The following CPVL variants were observed in gnomAD, a reference collection of about 807,000 sequenced individuals.
CPVL encodes probable serine carboxypeptidase CPVL.
Under a neutral mutation model 63.7 loss-of-function variants are expected in CPVL, and 51 were observed. That is an observed-to-expected ratio of 0.80 (90% CI 0.64 to 1.01). CPVL has a LOEUF of 1.01. CPVL is among the 50% of genes least tolerant of loss of function. The pLI, the probability that CPVL is intolerant of heterozygous loss-of-function variation, is 0.00. For synonymous variants in CPVL, 195 were observed against 206.0 expected, an observed-to-expected ratio of 0.95 and a Z score of 0.46; for missense variants, 530 against 573.1, an observed-to-expected ratio of 0.92 and a Z score of 0.77.
rs778757980 is a variant in CPVL at position 29,123,597 on chromosome 7, G to GAAAAA, written c.-10-2531_-10-2527dup. ...ACAATCTTACTCTCTAACTGGTTCA[G>GAAAAA]AAAAAAAAAAAAAAAAAAAAAAAAA... On this transcript the variant is annotated intron_variant, in intron 1 of 12. Coordinates refer to ENST00000265394, the MANE Select transcript of CPVL (RefSeq NM_031311.5). Among the ~76,000 whole-genome samples the GAAAAA allele has an allele frequency of 2.9e-4, 12 of 41,260 alleles. 1 individual carries two copies. The highest frequency in any genetic ancestry group is 9.3e-4 in the Admixed American group (2 of 2,162). 27.1% of individuals were successfully genotyped at this position (41,260 alleles called of 152,430 possible).
intron 11 of CPVL, among the ~76,000 whole-genome samples, chr7:29,051,697 G>A (rs766128989): frequency 1.1e-4 from 17 of 151,906 alleles, no homozygotes; most frequent in Admixed American, 7.2e-4. Context: ...GTTTCCTAAA[G>A]AACTAAAAGT....
At chr7:29,055,234 C>G (rs1262766402) in intron 11 of CPVL, among the ~76,000 whole-genome samples, 3 of 151,962 alleles carry the variant, frequency 2.0e-5, no homozygotes, top group Non-Finnish European at 4.4e-5. Context: ...GTAAACACCT[C>G]TATTTTCTTT....
At chr7:29,179,535 C>T (rs554128449) in intron 5 of CPVL, among the ~76,000 whole-genome samples, 4 of 152,310 alleles carry the variant, frequency 2.6e-5, no homozygotes, top group African/African-American at 9.6e-5. Context: ...GATTCTGATA[C>T]TTGTCCTAAG....
intron 12 of CPVL, among the ~76,000 whole-genome samples, chr7:29,013,832 G>A (rs1158759572): frequency 6.6e-6 from 1 of 152,188 alleles, no homozygotes; most frequent in Non-Finnish European, 1.5e-5. Flanking sequence ...TTCCCAAGAT[G>A]ATGACCTTCC....
chr7:29,086,300 A>AT (rs892834232), intron 7 of CPVL, among the ~76,000 whole-genome samples, 184 bp downstream of exon 7: 123 of 124,884 alleles, frequency 9.8e-4, no homozygotes, highest in East Asian at 4.7e-3. Context: ...ACTAAAAAAA[A>AT]ATATATATAT....
At chr7:29,022,260 A>T (rs920466478) in intron 12 of CPVL, among the ~76,000 whole-genome samples, 6 of 152,116 alleles carry the variant, frequency 3.9e-5, no homozygotes, top group African/African-American at 1.4e-4. Context: ...TCTGCTTGCC[A>T]CCAGGAGACC....
At chr7:29,065,874 T>C (rs753792836) in intron 10 of CPVL, 149 bp downstream of exon 10, 38 of 492,688 alleles carry the variant, frequency 7.7e-5, no homozygotes, top group Non-Finnish European at 9.3e-5. Flanking sequence ...GAGGAAAAGA[T>C]TCTATGGGTT....
exon 1 of CPVL, chr7:29,195,267 C>G (rs1284972443): frequency 7.6e-6 from 3 of 395,868 alleles, no homozygotes; most frequent in Non-Finnish European, 1.3e-5. Context: ...GAGCGAAAAG[C>G]GAAAGGAGCG....
chr7:29,147,403 C>T (rs1294323620), upstream of CPVL: 1 of 158,452 alleles, frequency 6.3e-6, no homozygotes, highest in Non-Finnish European at 1.4e-5. Flanking sequence ...CCAGCCAACC[C>T]GACAGTCAGG....
chr7:29,138,985 T>C (rs1197819928), intron 1 of CPVL, among the ~76,000 whole-genome samples: 2 of 152,214 alleles, frequency 1.3e-5, no homozygotes, highest in African/African-American at 4.8e-5. Context: ...CCTAACTTTG[T>C]GTCATTACAC....
chr7:29,155,218 A>C (rs909879981), intron 5 of CPVL, among the ~76,000 whole-genome samples: 1 of 152,228 alleles, frequency 6.6e-6, no homozygotes, highest in Non-Finnish European at 1.5e-5. Context: ...ATGAAAATAA[A>C]GAAGTATTAT....
chr7:29,047,215 T>C (rs1789710360), intron 11 of CPVL, among the ~76,000 whole-genome samples: 1 of 152,150 alleles, frequency 6.6e-6, no homozygotes, highest in Admixed American at 6.5e-5. Context: ...GTGTTTCTAA[T>C]GCAAAGGGAG....
At chr7:29,106,479 T>G (rs907111602) in intron 3 of CPVL, among the ~76,000 whole-genome samples, 1 of 151,796 alleles carries the variant, frequency 6.6e-6, no homozygotes, top group African/African-American at 2.4e-5. Flanking sequence ...AACACACTGC[T>G]GACAGACTAG....
chr7:29,195,179 C>T (rs1356959936), exon 1 of CPVL: 4 of 518,672 alleles, frequency 7.7e-6, no homozygotes, highest in Non-Finnish European at 1.3e-5. Context: ...CCGCGCCTGA[C>T]ATCTGACAGC....
At position 29,195,023 on chromosome 7, in the gene CPVL, G is replaced by GCCGGGTCTCGCCCCACTGCCCTCGCC. The variant is rs761880515; in HGVS notation, c.-448+28_-448+53dup. ...TCAGCCCGTCGGGCGCTGCTGCCGC[G>GCCGGGTCTCGCCCCACTGCCCTCGCC]CCGGGTCTCGCCCCACTGCCCTCGC... On this transcript the variant is annotated intron_variant, in intron 1 of 16. Coordinates refer to the CPVL transcript ENST00000409850. The GCCGGGTCTCGCCCCACTGCCCTCGCC allele has an allele frequency of 1.9e-6, 3 of 1,576,432 alleles. No individual in the cohort carries two copies. In the African/African-American group the frequency reaches 4.2e-5, roughly 22 times the overall value.
At chr7:29,012,613 G>C (rs167657) in intron 12 of CPVL, 127,670 of 152,212 alleles carry the variant, frequency 0.84, 54,258 homozygotes, top group African/African-American at 0.95. Context: ...GGAAGACAGA[G>C]ACAATGCTTC....
intron 11 of CPVL, among the ~76,000 whole-genome samples, chr7:29,050,734 A>T (rs1243488274): frequency 2.6e-4 from 39 of 152,252 alleles, no homozygotes; most frequent in African/African-American, 8.2e-4. Context: ...ACAGAATTCG[A>T]AAAGCCAATT....
intron 7 of CPVL, among the ~76,000 whole-genome samples, chr7:29,083,532 A>G (rs1584211708): frequency 6.6e-6 from 1 of 152,344 alleles, no homozygotes; most frequent in East Asian, 1.9e-4. Flanking sequence ...GGGAAAGGGA[A>G]GTTGAATGGA....
intron 11 of CPVL, among the ~76,000 whole-genome samples, chr7:29,051,911 T>C (rs955832111): frequency 4.9e-5 from 7 of 143,638 alleles, no homozygotes; most frequent in Non-Finnish European, 9.2e-5. Context: ...AATATATATA[T>C]ATATTCCACA....
Sources: allele counts gnomAD v4.1 joint callset (sites outside exome capture counted in the v4.1 genomes callset), GRCh38; gene constraint gnomAD v4.1.1; transcripts MANE v1.5; gene names NCBI Gene and HGNC (gene_info 2026-07-23, HGNC 2026-07-21).